Variants in CCNY observed in about 807,000 individuals in gnomAD.
CCNY encodes cyclin-Y.
A neutral mutation model predicts 42.8 loss-of-function variants in CCNY; 19 were observed. The ratio of observed to expected loss-of-function variants is 0.44; its 90% CI spans 0.31 to 0.65. CCNY has a LOEUF of 0.65. Among genes scored for constraint, CCNY ranks in the 30% least tolerant of loss-of-function variants. CCNY has a pLI of 0.07. For missense variants in CCNY, 370 were observed against 437.3 expected (o/e 0.85, Z 1.37); for synonymous variants, 165 against 162.7 (o/e 1.01, Z -0.11).
At position 35,355,678 on chromosome 10, in the gene CCNY, CAAAAAAAAAA is replaced by C. The variant is rs60257114; in HGVS notation, c.154+18490_154+18499del. Among the ~76,000 whole-genome samples the C allele has an allele frequency of 3.5e-3, 200 of 57,422 alleles. 1 individual carries two copies. The highest frequency in any genetic ancestry group is 0.02 in the South Asian group (20 of 990). 37.7% of individuals were successfully genotyped at this position (57,422 alleles called of 152,430 possible). ...GGGCAACAGAGCAAGATACTGTCTC[CAAAAAAAAAA>C]AAAAAAAAAAAAAAAAAAGAGGAAT... On this transcript the variant is annotated intron_variant, in intron 1 of 9. Coordinates refer to ENST00000374704, the MANE Select transcript of CCNY (RefSeq NM_145012.6).
Position 35,540,431 on chromosome 10 carries a change from G to A in CCNY, c.579+10188G>A, listed in dbSNP as rs534670674. Among the ~76,000 whole-genome samples the A allele has an allele frequency of 7.2e-5, 11 of 152,200 alleles. No homozygotes were observed. The East Asian group carries it at 7.7e-4, about 11-fold the overall frequency. The stretch of plus-strand genomic sequence containing the variant: ...CAGTGTATAATTCTTTTTATATGTC[G>A]CTGGACTCAGTTTGCTAGTCTTTTG... On this transcript the variant is annotated intron_variant, in intron 7 of 9. Transcript: ENST00000374704.
intron 1 of CCNY, among the ~76,000 whole-genome samples, chr10:35,345,703 A>C (rs1042895623): frequency 6.6e-5 from 10 of 152,200 alleles, no homozygotes; most frequent in African/African-American, 2.2e-4. Context: ...TTATCCTAAC[A>C]AAGACATCAA....
chr10:35,345,093 T>A (rs1836271084), intron 1 of CCNY, among the ~76,000 whole-genome samples: 1 of 152,218 alleles, frequency 6.6e-6, no homozygotes, highest in African/African-American at 2.4e-5. Flanking sequence ...ATATACCCAG[T>A]AATGGGATGG....
At chr10:35,499,938 C>G (rs1160617329) in intron 2 of CCNY, among the ~76,000 whole-genome samples, 1 of 152,200 alleles carries the variant, frequency 6.6e-6, no homozygotes, top group East Asian at 1.9e-4. Flanking sequence ...TGCACACGCT[C>G]TATATATGTA....
intron 7 of CCNY, among the ~76,000 whole-genome samples, chr10:35,538,618 G>A (rs1201081932): frequency 1.3e-5 from 2 of 152,176 alleles, no homozygotes; most frequent in Non-Finnish European, 1.5e-5. Flanking sequence ...CTTTGGAGAA[G>A]TATCTATTTA....
chr10:35,393,472 C>G (rs1361031711), intron 1 of CCNY, among the ~76,000 whole-genome samples: 2 of 152,210 alleles, frequency 1.3e-5, no homozygotes, highest in African/African-American at 4.8e-5. Context: ...TCACCTTCCG[C>G]TTTCCCTTCC....
intron 7 of CCNY, among the ~76,000 whole-genome samples, chr10:35,537,430 G>A (rs928259840): frequency 3.9e-5 from 6 of 152,184 alleles, no homozygotes; most frequent in African/African-American, 1.4e-4. Context: ...CCCCAGAATG[G>A]TAGATCCACC....
intron 3 of CCNY, among the ~76,000 whole-genome samples, chr10:35,331,467 G>A (rs1302140816): frequency 6.6e-6 from 1 of 152,196 alleles, no homozygotes; most frequent in African/African-American, 2.4e-5. Context: ...TTCCAAGTGG[G>A]CTTTCTCCCA....
chr10:35,388,806 C>T (rs1837349467), intron 1 of CCNY, among the ~76,000 whole-genome samples: 1 of 152,160 alleles, frequency 6.6e-6, no homozygotes, highest in Non-Finnish European at 1.5e-5. Context: ...TGCTGAGGTC[C>T]TCTGGAGGCT....
intron 8 of CCNY, among the ~76,000 whole-genome samples, chr10:35,558,334 T>C (rs1192186084): frequency 1.3e-5 from 2 of 152,248 alleles, no homozygotes; most frequent in Non-Finnish European, 2.9e-5. Context: ...CACAGATTTG[T>C]TCTCCAGCAA....
chr10:35,258,062 G>T (rs2095716887), intron 3 of CCNY, among the ~76,000 whole-genome samples: 1 of 152,032 alleles, frequency 6.6e-6, no homozygotes, highest in African/African-American at 2.4e-5. Context: ...GTGCTTTTCA[G>T]CTCTAGAATT....
intron 4 of CCNY, among the ~76,000 whole-genome samples, chr10:35,519,769 T>C (rs959193347): frequency 1.4e-5 from 2 of 142,872 alleles, no homozygotes; most frequent in Admixed American, 7.2e-5. Context: ...TCTTTTTCTT[T>C]TCTTTTCTTT....
At chr10:35,495,150 C>CT (rs760781269) in intron 2 of CCNY, among the ~76,000 whole-genome samples, 2 of 152,126 alleles carry the variant, frequency 1.3e-5, no homozygotes, top group Non-Finnish European at 2.9e-5. Flanking sequence ...TAAGGATACT[C>CT]TGTGTGTGTG....
At chr10:35,370,578 A>G (rs61843282) in intron 1 of CCNY, among the ~76,000 whole-genome samples, 14,053 of 152,048 alleles carry the variant, frequency 0.092, 981 homozygotes, top group Non-Finnish European at 0.13. Flanking sequence ...GATGATAATG[A>G]CTAGGAATCT....
At chr10:35,482,254 T>TA (rs1839685503) in intron 1 of CCNY, among the ~76,000 whole-genome samples, 1 of 152,228 alleles carries the variant, frequency 6.6e-6, no homozygotes, top group Non-Finnish European at 1.5e-5. Context: ...ACACTAAGGA[T>TA]AGCCCCTTCT....
intron 3 of CCNY, among the ~76,000 whole-genome samples, chr10:35,330,384 TCATTCCATTC>T (rs1186738862): frequency 1.3e-5 from 2 of 152,198 alleles, no homozygotes; most frequent in African/African-American, 4.8e-5. Flanking sequence ...GCCTACTGTA[TCATTCCATTC>T]CATCCTGGAT....
At chr10:35,417,627 G>C (rs992688779) in intron 1 of CCNY, among the ~76,000 whole-genome samples, 6 of 152,176 alleles carry the variant, frequency 3.9e-5, no homozygotes, top group African/African-American at 1.2e-4. Context: ...TGGTCGTGTA[G>C]TTTTAATTCT....
At chr10:35,410,732 T>A (rs1031130816) in intron 1 of CCNY, among the ~76,000 whole-genome samples, 3 of 152,208 alleles carry the variant, frequency 2.0e-5, no homozygotes, top group Non-Finnish European at 4.4e-5. Flanking sequence ...AGAGGGTTGT[T>A]CCAAGGACAG....
rs1213048166 is a variant in CCNY, at chr10:35,399,288, T to A, written c.154+62081T>A. ...GGCCGTGGAGGCTGTGGACTGCATG[T>A]CTGGCTGCTAACTCTTGGCTTGACT... is the stretch of plus-strand genomic sequence containing the variant. On this transcript the variant is annotated intron_variant, in intron 1 of 9. Transcript: ENST00000374704. 2.6e-5 allele frequency among the ~76,000 whole-genome samples: 4 copies of A among 152,256 alleles called. No individual in the cohort carries two copies. The East Asian group carries it at 7.7e-4, about 29-fold the overall frequency.
Sources: allele counts gnomAD v4.1 joint callset (sites outside exome capture counted in the v4.1 genomes callset), GRCh38; gene constraint gnomAD v4.1.1; transcripts MANE v1.5; gene names NCBI Gene and HGNC (gene_info 2026-07-23, HGNC 2026-07-21).